OXR1: variants seen among roughly 807,000 people sequenced by gnomAD.
OXR1 encodes oxidation resistance 1.
In OXR1, 41 loss-of-function variants were observed where a neutral mutation model predicts 104.6. The ratio of observed to expected loss-of-function variants is 0.39; its 90% CI spans 0.31 to 0.51. The LOEUF (loss-of-function observed/expected upper bound fraction) is 0.51, where lower values mean the gene tolerates loss of function less well. OXR1 is among the 20% of genes least tolerant of loss of function. OXR1 has a pLI of 0.77. For missense variants in OXR1, 955 were observed against 1,031.9 expected, an observed-to-expected ratio of 0.93 and a Z score of 1.02; for synonymous variants, 348 against 348.4, an observed-to-expected ratio of 1.00 and a Z score of 0.01.
chr8:106,685,417 G>A (rs186186699), intron 6 of OXR1, among the ~76,000 whole-genome samples: 41 of 152,162 alleles, frequency 2.7e-4, no homozygotes, highest in Admixed American at 5.9e-4. Context: ...CCTGTTCCTC[G>A]GCTTTAACCT....
intron 3 of OXR1, among the ~76,000 whole-genome samples, chr8:106,651,098 A>C (rs1352684160): frequency 6.6e-6 from 1 of 152,224 alleles, no homozygotes; most frequent in African/African-American, 2.4e-5. Flanking sequence ...TAGATCCTGC[A>C]AAATGACCCT....
At chr8:106,408,020 G>T (rs1268469696) in intron 2 of OXR1, among the ~76,000 whole-genome samples, 3 of 152,164 alleles carry the variant, frequency 2.0e-5, no homozygotes, top group Non-Finnish European at 2.9e-5. Flanking sequence ...GGAATGTCTG[G>T]AAATATTTCT....
At chr8:106,687,951 G>T (rs1194061553) in intron 6 of OXR1, among the ~76,000 whole-genome samples, 1 of 151,992 alleles carries the variant, frequency 6.6e-6, no homozygotes, top group East Asian at 1.9e-4. Flanking sequence ...CACTACTCTT[G>T]CCCAATAAAT....
intron 3 of OXR1, among the ~76,000 whole-genome samples, chr8:106,521,306 A>G (rs1431177656): frequency 6.6e-6 from 1 of 152,196 alleles, no homozygotes; most frequent in African/African-American, 2.4e-5. Context: ...CCTGGGTTTT[A>G]TCCTCAATTC....
In OXR1 at chr8:106,707,079, A is replaced by C. The variant is rs368168055; in HGVS notation, c.1558A>C (p.Asn520His). The C allele has an allele frequency of 1.9e-6, 3 of 1,613,872 alleles. No individual in the cohort carries two copies. In the African/African-American group the frequency reaches 4.0e-5, roughly 22 times the overall value. The change falls in exon 9 of 17, where the codon AAT (asparagine) becomes CAT (histidine). Residue 520 changes from asparagine to histidine, a missense_variant. Asn to His is a moderately conservative substitution (Grantham distance 68, BLOSUM62 1). Coordinates refer to ENST00000517566, the MANE Select transcript of OXR1 (RefSeq NM_001198533.2). ...GCAACAAACTAAACAGCAAAGGGAA[A>C]ATATTCAACAAGTGTCACAAAAAGA... is the stretch of plus-strand genomic sequence containing the variant. ...TMQQTKQQRENIQQVSQKEAK... is the reference protein window; with the variant it reads ...TMQQTKQQREHIQQVSQKEAK...
chr8:106,399,701 A>G (rs1049225251), intron 2 of OXR1, among the ~76,000 whole-genome samples: 1 of 152,166 alleles, frequency 6.6e-6, no homozygotes. Flanking sequence ...ATGTAACACA[A>G]TCTAGCTTAA....
chr8:106,683,603 G>A (rs1371764818), intron 5 of OXR1, among the ~76,000 whole-genome samples: 1 of 151,998 alleles, frequency 6.6e-6, no homozygotes, highest in Non-Finnish European at 1.5e-5. Context: ...TCAAAGTAAG[G>A]CATCCCTCCA....
intron 1 of OXR1, chr8:106,271,679 A>T (rs557703910): frequency 2.0e-5 from 3 of 152,262 alleles, no homozygotes; most frequent in African/African-American, 7.2e-5. Context: ...ATACTTCCCT[A>T]CGTCTTTTCT....
intron 2 of OXR1, chr8:106,448,151 G>T: frequency 7.5e-7 from 1 of 1,326,164 alleles, no homozygotes; most frequent in South Asian, 1.3e-5. Flanking sequence ...CTGTGCAAGT[G>T]AGAAATCAAA....
chr8:106,572,277 T>C (rs1817527039), intron 3 of OXR1, among the ~76,000 whole-genome samples: 2 of 152,230 alleles, frequency 1.3e-5, no homozygotes, highest in South Asian at 4.1e-4. Context: ...AAACTGGTAA[T>C]GACCCCTATG....
chr8:106,431,910 C>A (rs1411375226), intron 2 of OXR1, among the ~76,000 whole-genome samples: 1 of 152,162 alleles, frequency 6.6e-6, no homozygotes, highest in East Asian at 1.9e-4. Flanking sequence ...ATGTTCACAT[C>A]ATAGTTTTTG....
chr8:106,484,454 A>C (rs1353612008), intron 2 of OXR1, among the ~76,000 whole-genome samples: 1 of 152,092 alleles, frequency 6.6e-6, no homozygotes, highest in Non-Finnish European at 1.5e-5. Flanking sequence ...ATAATAATTA[A>C]AATCTTTTAA....
chr8:106,290,302 C>A (rs1812692887), intron 1 of OXR1, among the ~76,000 whole-genome samples: 1 of 152,024 alleles, frequency 6.6e-6, no homozygotes, highest in Non-Finnish European at 1.5e-5. Flanking sequence ...ATAATTAACT[C>A]AAGTTGGATT....
chr8:106,402,054 A>C (rs1818025584), intron 2 of OXR1, among the ~76,000 whole-genome samples: 1 of 152,180 alleles, frequency 6.6e-6, no homozygotes, highest in African/African-American at 2.4e-5. Context: ...CATTTGCCAG[A>C]TGGATAGCTG....
chr8:106,487,460 A>G (rs1025656768), intron 2 of OXR1, among the ~76,000 whole-genome samples: 5 of 150,286 alleles, frequency 3.3e-5, no homozygotes, highest in South Asian at 2.1e-4. Flanking sequence ...TTTAGGGTAC[A>G]TGTGCACATT....
At chr8:106,360,714 G>A (rs189856161) in intron 2 of OXR1, among the ~76,000 whole-genome samples, 6 of 152,042 alleles carry the variant, frequency 3.9e-5, no homozygotes, top group African/African-American at 1.4e-4. Flanking sequence ...TGCACAGTAT[G>A]TTTTCTTATT....
At chr8:106,320,963 C>T (rs760810301) in intron 1 of OXR1, among the ~76,000 whole-genome samples, 6 of 152,296 alleles carry the variant, frequency 3.9e-5, no homozygotes, top group Middle Eastern at 3.4e-3. Context: ...TGAGCCACCA[C>T]GCCTAGCCTC....
chr8:106,383,251 A>C (rs1333525922), intron 2 of OXR1, among the ~76,000 whole-genome samples: 2 of 152,160 alleles, frequency 1.3e-5, no homozygotes, highest in Non-Finnish European at 2.9e-5. Context: ...ATAGCATTAA[A>C]GTTGTTTTTA....
At position 106,515,588 on chromosome 8, in the gene OXR1, T is replaced by C. The variant is rs1812804674; in HGVS notation, c.24-3355T>C. On this transcript the variant is annotated intron_variant, in intron 2 of 16. Transcript: ENST00000517566. ...TTCATTTAATGTGTTCCAGGTTCAT[T>C]CATGTTGTAAATGACAAGATATTTT... Among the ~76,000 whole-genome samples, 7 of 152,318 alleles carry C rather than the reference T, an allele frequency of 4.6e-5. 1 individual carries two copies. The South Asian group carries it at 1.4e-3, about 32-fold the overall frequency.
Sources: allele counts gnomAD v4.1 joint callset (sites outside exome capture counted in the v4.1 genomes callset), GRCh38; gene constraint gnomAD v4.1.1; transcripts MANE v1.5; gene names NCBI Gene and HGNC (gene_info 2026-07-23, HGNC 2026-07-21).